The following BTN3A3 variants were observed in gnomAD, a reference collection of about 807,000 sequenced individuals.
BTN3A3 encodes butyrophilin subfamily 3 member A3.
Under a neutral mutation model 43.2 loss-of-function variants are expected in BTN3A3, and 39 were observed. That is an observed-to-expected ratio of 0.90 (90% confidence interval 0.70 to 1.18). The LOEUF is 1.18. BTN3A3 is among the 50% of genes most tolerant of loss of function. The pLI is 0.00. For missense variants in BTN3A3, 631 were observed against 722.8 expected, an observed-to-expected ratio of 0.87 and a Z score of 1.46; for synonymous variants, 255 against 272.7, an observed-to-expected ratio of 0.93 and a Z score of 0.64.
Position 26,448,302 on chromosome 6 carries a change from C to G in BTN3A3, c.770C>G (p.Pro257Arg). The G allele has an allele frequency of 6.2e-7, 1 of 1,613,876 alleles. No homozygotes were observed. Among genetic ancestry groups the G allele is most frequent in the Non-Finnish European group, 8.5e-7 (1 of 1,179,960 alleles). ...PWIAALAGTL[P>R]ISLLLLAGAS... The stretch of plus-strand genomic sequence containing the variant: ...ATCGCGGCCCTGGCAGGGACCCTGC[C>G]TATCTCGTTGCTGCTTCTCGCAGGA... Residue 257 changes from proline (P) to arginine (R), a missense_variant, in exon 6 of 11, where the codon CCT (proline) becomes CGT (arginine). By Grantham distance (103) the Pro-to-Arg change is moderately radical. This residue lies in a region of BTN3A3 where 551 missense variants were observed against 584.0 expected (regional missense o/e 0.94). Transcript: ENST00000244519.
In BTN3A3 at chr6:26,452,625, A is replaced by G. The variant is rs892879898; in HGVS notation, c.*214A>G. 7 of 540,472 alleles carry G rather than the reference A, an allele frequency of 1.3e-5. No individual in the cohort carries two copies. Among genetic ancestry groups the G allele is most frequent in the African/African-American group, 5.7e-5 (3 of 52,868 alleles). 33.5% of individuals were successfully genotyped at this position (540,472 alleles called of 1,614,324 possible). A position where few individuals can be genotyped will look rare whatever the true frequency, so the allele number is the denominator to read the frequency against. The stretch of plus-strand genomic sequence containing the variant: ...AGTGCTGTGTTATAAGCTTTGGTGG[A>G]TGTCACTCCTTTAATCCTCACAACA... On this transcript the variant is annotated 3_prime_UTR_variant, in exon 11 of 11. Transcript: ENST00000244519.
chr6:26,448,648 A>G lies in BTN3A3; in HGVS notation c.937+11A>G. 6.2e-7 allele frequency: 1 copy of G among 1,613,918 alleles called. No homozygotes were observed. The highest frequency in any genetic ancestry group is 1.6e-4 in the Middle Eastern group (1 of 6,062). On this transcript the variant is annotated intron_variant, in intron 7 of 10. Transcript: ENST00000244519. ...TCCAGGAGGAACTCAGTAAGTTCCC[A>G]TTCCCCAGGAGACCCAGGCATGTCT...
Position 26,448,657 on chromosome 6 carries a change from G to A in BTN3A3, c.937+20G>A. The A allele has an allele frequency of 1.9e-6, 3 of 1,613,908 alleles. No homozygotes were observed. Among genetic ancestry groups the A allele is most frequent in the Non-Finnish European group, 2.5e-6 (3 of 1,179,968 alleles). On this transcript the variant is annotated intron_variant, in intron 7 of 10. Transcript: ENST00000244519. ...AACTCAGTAAGTTCCCATTCCCCAGGAGACCCAGGCATGTCTTCTTATCCC... is the reference window on the plus strand; with the variant it reads ...AACTCAGTAAGTTCCCATTCCCCAGAAGACCCAGGCATGTCTTCTTATCCC...
rs572320166 is a variant in BTN3A3, at chr6:26,452,867, C to G, written c.*456C>G. On this transcript the variant is annotated 3_prime_UTR_variant, in exon 11 of 11. Coordinates refer to ENST00000244519, the MANE Select transcript of BTN3A3 (RefSeq NM_006994.5). ...CCCAGGACAGCTGCAGGGTAGAGAT[C>G]ATTTTAAGTGCTTGTGGAGTTGACA... The G allele has an allele frequency of 6.0e-6, 1 of 167,124 alleles. No homozygotes were observed. The highest frequency in any genetic ancestry group is 1.3e-5 in the Non-Finnish European group (1 of 76,106). 10.4% of individuals were successfully genotyped at this position (167,124 alleles called of 1,614,324 possible).
Position 26,451,712 on chromosome 6 carries a change from C to T in BTN3A3, c.1056C>T (p.Ile352=), listed in dbSNP as rs1479962224. 2 of 1,614,028 alleles carry T rather than the reference C, an allele frequency of 1.2e-6. No individual in the cohort carries two copies. The highest frequency in any genetic ancestry group is 2.2e-5 in the East Asian group (1 of 44,884). The change falls in exon 11 of 11, where the codon ATC becomes ATT. Residue 352 remains isoleucine (I), a synonymous_variant. Coordinates refer to ENST00000244519, the MANE Select transcript of BTN3A3 (RefSeq NM_006994.5). ...VILDPDTANA[I]LLVSEDQRSV... ...TGGATCCAGACACGGCAAACGCCAT[C>T]CTCCTTGTTTCTGAGGACCAGAGGA...
intron 5 of BTN3A3, among the ~76,000 whole-genome samples, chr6:26,446,773 G>C (rs1760270941): frequency 6.6e-6 from 1 of 152,172 alleles, no homozygotes; most frequent in African/African-American, 2.4e-5. Context: ...CTGTTGCCCA[G>C]GATGGAGTGC....
chr6:26,449,598 G>A lies in BTN3A3; in HGVS notation c.965-64G>A. ...AAAGTCTAGATGGATGCGAAAGGAA[G>A]TGGAAGGGGCCAACAGAGCAAAGGC... On this transcript the variant is annotated intron_variant, in intron 8 of 10. Coordinates refer to ENST00000244519, the MANE Select transcript of BTN3A3 (RefSeq NM_006994.5). 2 of 1,583,770 alleles carry A rather than the reference G, an allele frequency of 1.3e-6. 1 individual carries two copies. Among genetic ancestry groups the A allele is most frequent in the South Asian group, 2.2e-5 (2 of 90,198 alleles).
At position 26,452,188 on chromosome 6, in the gene BTN3A3, T is replaced by C; in HGVS notation, c.1532T>C (p.Ile511Thr). Reference protein sequence around the residue: ...ILTLEPTALTICPIPKEVESS... With the variant: ...ILTLEPTALTTCPIPKEVESS... Reference sequence around the variant, plus strand: ...ACCTTGGAGCCCACTGCCCTGACCATTTGCCCAATACCAAAAGAAGTAGAG... The same window carrying C: ...ACCTTGGAGCCCACTGCCCTGACCACTTGCCCAATACCAAAAGAAGTAGAG... The change falls in exon 11 of 11, where the codon ATT (isoleucine) becomes ACT (threonine). Residue 511 changes from isoleucine to threonine, a missense_variant. Coordinates refer to ENST00000244519, the MANE Select transcript of BTN3A3 (RefSeq NM_006994.5). The C allele has an allele frequency of 6.2e-7, 1 of 1,614,150 alleles. No homozygotes were observed. The highest frequency in any genetic ancestry group is 1.3e-5 in the African/African-American group (1 of 75,022).
intron 10 of BTN3A3, among the ~76,000 whole-genome samples, chr6:26,450,466 C>T (rs890852267): frequency 2.0e-5 from 3 of 152,136 alleles, no homozygotes; most frequent in Non-Finnish European, 4.4e-5. Context: ...GAGGTGATGC[C>T]TGCCCAAAGA....
chr6:26,444,358 T>C (rs956194777), intron 4 of BTN3A3, 54 bp downstream of exon 4: 5 of 1,611,484 alleles, frequency 3.1e-6, no homozygotes, highest in African/African-American at 2.7e-5. Flanking sequence ...CTAGAGCAGA[T>C]GCAGAGTCCC....
intron 9 of BTN3A3, 120 bp downstream of exon 9, chr6:26,449,808 C>T: frequency 7.7e-7 from 1 of 1,303,194 alleles, no homozygotes; most frequent in Non-Finnish European, 1.1e-6. Context: ...CCCTTAGACT[C>T]AATTTTGCAT....
Position 26,451,933 on chromosome 6 carries a change from C to G in BTN3A3, c.1277C>G (p.Thr426Arg), listed in dbSNP as rs760884788. Reference protein sequence around the residue: ...VERKKGWVKMTPENGYWTMGL... With the variant: ...VERKKGWVKMRPENGYWTMGL... ...AGGAAAAAAGGTTGGGTCAAAATGACACCGGAGAACGGATACTGGACTATG... is the reference window on the plus strand; with the variant it reads ...AGGAAAAAAGGTTGGGTCAAAATGAGACCGGAGAACGGATACTGGACTATG... Residue 426 changes from threonine (T) to arginine (R), a missense_variant, in exon 11 of 11, where the codon ACA becomes AGA. Around this residue, in one of 2 missense-constraint regions of BTN3A3, gnomAD observed 551 missense variants for 584.0 expected, o/e 0.94. Coordinates refer to ENST00000244519, the MANE Select transcript of BTN3A3 (RefSeq NM_006994.5). 3.4e-5 allele frequency: 55 copies of G among 1,613,952 alleles called. 1 individual carries two copies. The highest frequency in any genetic ancestry group is 4.5e-5 in the Non-Finnish European group (53 of 1,180,030).
intron 10 of BTN3A3, chr6:26,450,339 C>A (rs1241623939): frequency 1.5e-5 from 9 of 588,360 alleles, no homozygotes; most frequent in Admixed American, 6.4e-5. Context: ...GAATTGCTCT[C>A]TTGGGCTTCC....
chr6:26,445,893 T>A lies in BTN3A3; in HGVS notation c.623T>A (p.Val208Glu). 1 of 1,614,144 alleles carries A rather than the reference T, an allele frequency of 6.2e-7. No individual in the cohort carries two copies. Among genetic ancestry groups the A allele is most frequent in the Non-Finnish European group, 8.5e-7 (1 of 1,180,014 alleles). ...GGCCTGTATGCAGTAGCAGCATCTG[T>A]GATCATGAGAGGCAGCTCTGGTGGG... is the stretch of plus-strand genomic sequence containing the variant. The part of the protein sequence containing the change: ...GVGLYAVAAS[V>E]IMRGSSGGGV... The change falls in exon 5 of 11, where the codon GTG becomes GAG. Residue 208 changes from valine to glutamate, a missense_variant. By Grantham distance (121) the Val-to-Glu change is moderately radical. This residue lies in a region of BTN3A3 where 551 missense variants were observed against 584.0 expected (regional missense o/e 0.94). Coordinates refer to ENST00000244519, the MANE Select transcript of BTN3A3 (RefSeq NM_006994.5).
Position 26,445,708 on chromosome 6 carries a change from G to A in BTN3A3, c.438G>A (p.Leu146=). Residue 146 remains leucine, a synonymous_variant, in exon 5 of 11, where the codon TTG becomes TTA. Transcript: ENST00000244519. The stretch of plus-strand genomic sequence containing the variant: ...GGGCAATTTATCCTTCTACAGCATT[G>A]GGTTCTGATCTTCACATTGAAGTGA... ...KALVELKVAA[L]GSDLHIEVKG... is the part of the protein sequence containing the mutation. The A allele has an allele frequency of 6.2e-7, 1 of 1,613,562 alleles. No homozygotes were observed. Among genetic ancestry groups the A allele is most frequent in the East Asian group, 2.2e-5 (1 of 44,870 alleles).
chr6:26,447,959 A>G (rs1359738104), intron 5 of BTN3A3, among the ~76,000 whole-genome samples: 1 of 152,174 alleles, frequency 6.6e-6, no homozygotes, highest in Non-Finnish European at 1.5e-5. Flanking sequence ...AACCATGTAA[A>G]TGTGTTACTG....
chr6:26,446,714 G>GGGTTTTT (rs1315494573), intron 5 of BTN3A3, among the ~76,000 whole-genome samples: 1 of 152,134 alleles, frequency 6.6e-6, no homozygotes, highest in East Asian at 1.9e-4. Context: ...AGGTTTCTGG[G>GGGTTTTT]GGTTTTTTTG....
intron 10 of BTN3A3, 68 bp from the exon 11 acceptor site, chr6:26,451,607 G>C: frequency 1.9e-6 from 3 of 1,557,104 alleles, no homozygotes; most frequent in Non-Finnish European, 2.6e-6. Context: ...TCCAGGCCTT[G>C]CATGCTGAGG....
At position 26,451,918 on chromosome 6, in the gene BTN3A3, G is replaced by A; in HGVS notation, c.1262G>A (p.Gly421Asp). 1.2e-6 allele frequency: 2 copies of A among 1,613,354 alleles called. No homozygotes were observed. The highest frequency in any genetic ancestry group is 8.5e-7 in the Non-Finnish European group (1 of 1,179,428). ...VCSKNVERKKGWVKMTPENGY... is the reference protein window; with the variant it reads ...VCSKNVERKKDWVKMTPENGY... ...AGTAAGAACGTGGAGAGGAAAAAAG[G>A]TTGGGTCAAAATGACACCGGAGAAC... Residue 421 changes from glycine to aspartate, a missense_variant, in exon 11 of 11, where the codon GGT becomes GAT. Around this residue, in one of 2 missense-constraint regions of BTN3A3, gnomAD observed 551 missense variants for 584.0 expected, o/e 0.94. Coordinates refer to ENST00000244519, the MANE Select transcript of BTN3A3 (RefSeq NM_006994.5).
Sources: allele counts gnomAD v4.1 joint callset (sites outside exome capture counted in the v4.1 genomes callset), GRCh38; gene constraint gnomAD v4.1.1; regional missense constraint gnomAD v4.1.1; transcripts MANE v1.5; gene names NCBI Gene and HGNC (gene_info 2026-07-23, HGNC 2026-07-21).